The following GPR179 variants were observed in gnomAD, a reference collection of about 807,000 sequenced individuals.
The protein encoded by GPR179 is G protein-coupled receptor 179.
A neutral mutation model predicts 70.8 loss-of-function variants in GPR179; 52 were observed. The observed-to-expected ratio is 0.73, with a 90% confidence interval of 0.59 to 0.93. GPR179 has a LOEUF of 0.93. Among genes scored for constraint, GPR179 ranks in the 40% least tolerant of loss-of-function variants. GPR179 has a pLI of 0.00. For missense variants in GPR179, 2,734 were observed against 2,966.8 expected, an observed-to-expected ratio of 0.92 and a Z score of 1.82; for synonymous variants, 1,123 against 1,169.0, an observed-to-expected ratio of 0.96 and a Z score of 0.80.
Position 38,330,045 on chromosome 17 carries a change from T to C in GPR179, c.3524A>G (p.Glu1175Gly). 6.2e-7 allele frequency: 1 copy of C among 1,614,230 alleles called. No individual in the cohort carries two copies. The highest frequency in any genetic ancestry group is 8.5e-7 in the Non-Finnish European group (1 of 1,180,028). Residue 1175 changes from glutamate (E) to glycine (G), a missense_variant, in exon 11 of 11, where the codon GAA becomes GGA. By Grantham distance (98) the Glu-to-Gly change is moderately conservative. Transcript: ENST00000616987. ...CATCCTCCTGCCTCTGTCTTCTTGT[T>C]CCCTGCTGCCCTCCCGTTGACAGAC... ...LQVCQREGSR[E>G]QEDRGRRMTQ...
rs369772790 is a variant in GPR179, at chr17:38,327,098, A to G, written c.6471T>C (p.Leu2157=). 1.4e-5 allele frequency: 22 copies of G among 1,614,044 alleles called. No homozygotes were observed. In the African/African-American group the frequency reaches 2.8e-4, roughly 21 times the overall value. The change falls in exon 11 of 11, where the codon CTT becomes CTC. Residue 2157 remains leucine, a synonymous_variant. Transcript: ENST00000616987. ...CCGTCCCTCCAGGTCCTGCCTTCTG[A>G]AGGAACATCTCTCCTTGCCCTTGTG... ...RESQGQGEMF[L]QKAGPGGTEE...
intron 9 of GPR179, among the ~76,000 whole-genome samples, chr17:38,333,650 T>C (rs1331724109): frequency 1.3e-5 from 2 of 152,330 alleles, no homozygotes; most frequent in Admixed American, 6.5e-5. Flanking sequence ...CCTCTCCCTG[T>C]ATACCTGCTT....
In GPR179 at chr17:38,335,072, G is replaced by A; in HGVS notation, c.1606C>T (p.Leu536Phe). The A allele has an allele frequency of 6.2e-7, 1 of 1,613,722 alleles. No individual in the cohort carries two copies. Among genetic ancestry groups the A allele is most frequent in the Non-Finnish European group, 8.5e-7 (1 of 1,179,936 alleles). Residue 536 changes from leucine (L) to phenylalanine (F), a missense_variant, in exon 7 of 11, where the codon CTC becomes TTC. Transcript: ENST00000616987. ...GHTPSGRHFY[L>F]CHHDRWDYIM... Reference sequence around the variant, plus strand: ...TAGTCCCAGCGGTCGTGGTGACAGAGGTAGAAATGGCGGCCACTGGGAGTG... The same window carrying A: ...TAGTCCCAGCGGTCGTGGTGACAGAAGTAGAAATGGCGGCCACTGGGAGTG...
At position 38,335,181 on chromosome 17, in the gene GPR179, T is replaced by C. The variant is rs1567725699; in HGVS notation, c.1497A>G (p.Leu499=). 6.4e-7 allele frequency: 1 copy of C among 1,573,734 alleles called. No homozygotes were observed. Among genetic ancestry groups the C allele is most frequent in the East Asian group, 2.4e-5 (1 of 42,492 alleles). The change falls in exon 7 of 11, where the codon CTA becomes CTG. Residue 499 remains leucine (L), a synonymous_variant. Coordinates refer to ENST00000616987, the MANE Select transcript of GPR179 (RefSeq NM_001004334.4). ...ACACAGCCAGGAAGCCCAGCACAGGTAGCAGGAGCAGCCCCAGGTGCCGCA... is the reference window on the plus strand; with the variant it reads ...ACACAGCCAGGAAGCCCAGCACAGGCAGCAGGAGCAGCCCCAGGTGCCGCA... ...RLLRHLGLLL[L]PVLGFLAVWT... is the part of the protein sequence containing the mutation.
chr17:38,337,656 A>ATCTACACAT lies in GPR179; in HGVS notation c.967_968insATGTGTAGA (p.Phe323delinsTyrValTer). ...ACCCCCAGAGGGGCTTGCCCCGTAG[A>ATCTACACAT]ATCCAGGTCGGCAGCGGCAGAGGTA... On this transcript the variant is annotated stop_gained and protein_altering_variant, in exon 3 of 11. Transcript: ENST00000616987. LOFTEE classifies it high-confidence loss of function. The ATCTACACAT allele has an allele frequency of 6.2e-7, 1 of 1,606,594 alleles. No homozygotes were observed. The highest frequency in any genetic ancestry group is 8.5e-7 in the Non-Finnish European group (1 of 1,176,654).
chr17:38,332,867 A>C (rs2037371254), intron 10 of GPR179, among the ~76,000 whole-genome samples: 1 of 152,250 alleles, frequency 6.6e-6, no homozygotes, highest in Non-Finnish European at 1.5e-5. Flanking sequence ...TTGGCCTCCC[A>C]AAATGCTGGG....
At chr17:38,338,084 C>G (rs1018356681) in intron 2 of GPR179, among the ~76,000 whole-genome samples, 1 of 152,216 alleles carries the variant, frequency 6.6e-6, no homozygotes, top group Non-Finnish European at 1.5e-5. Flanking sequence ...CCCAGCCATA[C>G]CTTGTGTGCC....
chr17:38,336,287 C>T (rs554467813), intron 4 of GPR179, 143 bp from the exon 5 acceptor site: 13 of 679,530 alleles, frequency 1.9e-5, no homozygotes, highest in African/African-American at 8.9e-5. Context: ...CCCACATCCA[C>T]GTCCCTTGTT....
Position 38,328,208 on chromosome 17 carries a change from C to T in GPR179, c.5361G>A (p.Gly1787=), listed in dbSNP as rs2037309669. Residue 1787 remains glycine, a synonymous_variant, in exon 11 of 11, where the codon GGG becomes GGA. Transcript: ENST00000616987. The stretch of plus-strand genomic sequence containing the variant: ...AGCCCATATGATCCAGTTCCTGGAA[C>T]CCAGCTTTTGGTCCATCAGCATCTA... ...GTLDADGPKA[G]FQELDHMGCR... 1 of 1,613,438 alleles carries T rather than the reference C, an allele frequency of 6.2e-7. No homozygotes were observed. Among genetic ancestry groups the T allele is most frequent in the Non-Finnish European group, 8.5e-7 (1 of 1,179,954 alleles).
In GPR179 at chr17:38,330,010, G is replaced by A. The variant is rs1736647717; in HGVS notation, c.3559C>T (p.Leu1187=). The A allele has an allele frequency of 1.9e-6, 3 of 1,614,190 alleles. No homozygotes were observed. The highest frequency in any genetic ancestry group is 2.5e-6 in the Non-Finnish European group (3 of 1,180,032). The change falls in exon 11 of 11, where the codon CTA becomes TTA. Residue 1187 remains leucine, a synonymous_variant. Coordinates refer to ENST00000616987, the MANE Select transcript of GPR179 (RefSeq NM_001004334.4). ...GCTCTCTCAGCTTTCCGTTCCCCTA[G>A]ACCCTGGGTCATCCTCCTGCCTCTG... ...EDRGRRMTQG[L]GERKAERAGK...
At position 38,343,333 on chromosome 17, in the gene GPR179, G is replaced by A. The variant is rs776774430; in HGVS notation, c.457C>T (p.Pro153Ser). Residue 153 changes from proline to serine, a missense_variant, in exon 1 of 11, where the codon CCT (proline) becomes TCT (serine). By Grantham distance (74) the Pro-to-Ser change is moderately conservative. Transcript: ENST00000616987. The surrounding 1 kb of genome is among the most constrained non-coding windows in gnomAD (Gnocchi z 4.2). ...RVYRALLTFNPPPGASHLQLA... is the reference protein window; with the variant it reads ...RVYRALLTFNSPPGASHLQLA... ...TGTAGGTGGCTGGCCCCTGGTGGAG[G>A]GTTAAAGGTCAGCAAAGCCCTGTAC... 3 of 1,614,164 alleles carry A rather than the reference G, an allele frequency of 1.9e-6. No individual in the cohort carries two copies. The highest frequency in any genetic ancestry group is 2.5e-6 in the Non-Finnish European group (3 of 1,180,004).
intron 10 of GPR179, 77 bp downstream of exon 10, chr17:38,333,174 G>T: frequency 7.3e-7 from 1 of 1,371,806 alleles, no homozygotes; most frequent in Non-Finnish European, 1.0e-6. Context: ...ACATAGCCCA[G>T]GTGGCAGGGC....
intron 1 of GPR179, among the ~76,000 whole-genome samples, chr17:38,340,135 T>G (rs1341168577): frequency 2.0e-5 from 3 of 152,076 alleles, no homozygotes; most frequent in Non-Finnish European, 4.4e-5. Context: ...CCTGAGTCTA[T>G]TCTTTCTTTT....
At chr17:38,333,802 T>C in intron 9 of GPR179, 131 bp downstream of exon 9, 1 of 656,040 alleles carries the variant, frequency 1.5e-6, no homozygotes, top group Non-Finnish European at 2.6e-6. Flanking sequence ...CCCCTGGCAC[T>C]GTGCTCACTC....
In GPR179 at chr17:38,327,093, T is replaced by C; in HGVS notation, c.6476A>G (p.Lys2159Arg). 1 of 1,614,250 alleles carries C rather than the reference T, an allele frequency of 6.2e-7. No individual in the cohort carries two copies. The highest frequency in any genetic ancestry group is 8.5e-7 in the Non-Finnish European group (1 of 1,180,044). ...SQGQGEMFLQ[K>R]AGPGGTEEHF... ...TTCTTCCGTCCCTCCAGGTCCTGCC[T>C]TCTGAAGGAACATCTCTCCTTGCCC... is the stretch of plus-strand genomic sequence containing the variant. Residue 2159 changes from lysine (K) to arginine (R), a missense_variant, in exon 11 of 11, where the codon AAG becomes AGG. Physicochemically the swap from Lys to Arg is conservative, Grantham distance 26. Coordinates refer to ENST00000616987, the MANE Select transcript of GPR179 (RefSeq NM_001004334.4).
In GPR179 at chr17:38,333,411, A is replaced by G. The variant is rs908344072; in HGVS notation, c.1891-14T>C. On this transcript the variant is annotated splice_polypyrimidine_tract_variant and intron_variant, in intron 9 of 10. Transcript: ENST00000616987. ...CAGCTTCCAGAACTGGCAGGGGTGC[A>G]TAAGAGTGGGAAAAAGACTCGCCCT... The G allele has an allele frequency of 1.9e-6, 3 of 1,611,640 alleles. No homozygotes were observed. Among genetic ancestry groups the G allele is most frequent in the Admixed American group, 3.3e-5 (2 of 59,836 alleles).
Position 38,342,984 on chromosome 17 carries a change from A to C in GPR179, c.794+12T>G. 6.3e-7 allele frequency: 1 copy of C among 1,583,522 alleles called. No homozygotes were observed. The highest frequency in any genetic ancestry group is 8.6e-7 in the Non-Finnish European group (1 of 1,164,048). On this transcript the variant is annotated intron_variant, in intron 1 of 10. Transcript: ENST00000616987. ...CCCACACATGCATCAAATCCTGCACAAACCCACTTACCTGACTTCTGGGCT... is the reference window on the plus strand; with the variant it reads ...CCCACACATGCATCAAATCCTGCACCAACCCACTTACCTGACTTCTGGGCT...
At position 38,326,611 on chromosome 17, in the gene GPR179, G is replaced by C. The variant is rs1395383701; in HGVS notation, c.6958C>G (p.Pro2320Ala). ...GGCTCTGGGGCTAAGCTGGTCCTTG[G>C]CTCAAGCCCTGAAGGTCCTTGTAGT... ...RELQGPSGLE[P>A]RTSLAPEPSL... The change falls in exon 11 of 11, where the codon CCA becomes GCA. Residue 2320 changes from proline (P) to alanine (A), a missense_variant. Pro to Ala is a conservative substitution (Grantham distance 27). Transcript: ENST00000616987. The C allele has an allele frequency of 6.2e-7, 1 of 1,614,102 alleles. No individual in the cohort carries two copies. Among genetic ancestry groups the C allele is most frequent in the Non-Finnish European group, 8.5e-7 (1 of 1,180,048 alleles).
At position 38,343,644 on chromosome 17, in the gene GPR179, A is replaced by C. The variant is rs1379533473; in HGVS notation, c.146T>G (p.Met49Arg). 1 of 1,613,688 alleles carries C rather than the reference A, an allele frequency of 6.2e-7. No homozygotes were observed. Among genetic ancestry groups the C allele is most frequent in the South Asian group, 1.1e-5 (1 of 91,082 alleles). The change falls in exon 1 of 11, where the codon ATG (methionine) becomes AGG (arginine). Residue 49 changes from methionine to arginine, a missense_variant. By Grantham distance (91) the Met-to-Arg change is moderately conservative. Coordinates refer to ENST00000616987, the MANE Select transcript of GPR179 (RefSeq NM_001004334.4). The surrounding 1 kb of genome is among the most constrained non-coding windows in gnomAD (Gnocchi z 4.2). ...SSQVKPGSVP[M>R]QVPLEGAEAA... ...CTCGGCCCCCTCTAGGGGCACCTGC[A>C]TGGGTACAGATCCTGGCTTGACTTG...
Sources: gnomAD v4.1 joint callset for allele counts (sites outside exome capture counted in the v4.1 genomes callset) on GRCh38, gnomAD v4.1.1 for gene constraint, Gnocchi (gnomAD v3.1) non-coding constraint, MANE v1.5 for transcripts, NCBI Gene and HGNC (gene_info 2026-07-23, HGNC 2026-07-21) for gene names.